Variants in GPC6 observed in about 807,000 individuals in gnomAD.
The protein encoded by GPC6 is glypican-6.
In GPC6, 14 loss-of-function variants were observed where a neutral mutation model predicts 55.2. That is an observed-to-expected ratio of 0.25 (90% CI 0.17 to 0.40). GPC6 has a LOEUF of 0.40. GPC6 is among the 10% of genes least tolerant of loss of function. GPC6 has a pLI of 1.00. For synonymous variants in GPC6, 278 were observed against 259.6 expected (o/e 1.07, Z -0.68); for missense variants, 641 against 708.5 (o/e 0.90, Z 1.08).
chr13:94,136,574 G>A (rs1257357170), intron 4 of GPC6, among the ~76,000 whole-genome samples: 1 of 152,120 alleles, frequency 6.6e-6, no homozygotes, highest in Admixed American at 6.5e-5. Flanking sequence ...GTTGGGTATG[G>A]TGGTGGGTGC....
At chr13:93,972,136 C>A (rs1440962479) in intron 3 of GPC6, among the ~76,000 whole-genome samples, 1 of 152,138 alleles carries the variant, frequency 6.6e-6, no homozygotes, top group East Asian at 1.9e-4. Context: ...ATAGGTTAAG[C>A]AAATGAAGCC....
intron 1 of GPC6, among the ~76,000 whole-genome samples, chr13:93,298,870 T>C (rs1878583994): frequency 6.6e-6 from 1 of 151,660 alleles, no homozygotes; most frequent in Non-Finnish European, 1.5e-5. Context: ...ATCCCTTCCG[T>C]TGGTACCACA....
chr13:93,619,416 C>A (rs1878859803), intron 2 of GPC6, among the ~76,000 whole-genome samples: 1 of 152,130 alleles, frequency 6.6e-6, no homozygotes, highest in African/African-American at 2.4e-5. Context: ...AATTTCAGAA[C>A]TAAGGAAGTG....
chr13:93,970,505 C>G (rs750919700), intron 3 of GPC6, among the ~76,000 whole-genome samples: 5 of 152,210 alleles, frequency 3.3e-5, no homozygotes, highest in Non-Finnish European at 7.3e-5. Context: ...TACACTTATA[C>G]CTCTGTCCTA....
At position 93,479,614 on chromosome 13, in the gene GPC6, C is replaced by CCCG. The variant is rs988412597; in HGVS notation, c.161-65647_161-65646insGCC. Among the ~76,000 whole-genome samples the CCCG allele has an allele frequency of 2.8e-5, 4 of 142,296 alleles. No individual in the cohort carries two copies. In the East Asian group the frequency reaches 9.3e-4, roughly 33 times the overall value. 93.4% of individuals were successfully genotyped at this position (142,296 alleles called of 152,430 possible). A position where few individuals can be genotyped will look rare whatever the true frequency, so the allele number is the denominator to read the frequency against. ...GCCCAGCCAACGTGGTGAGACCCCC[C>CCCG]CCCATCTCTACTAAAAATAAAAAAA... On this transcript the variant is annotated intron_variant, in intron 1 of 8. Coordinates refer to ENST00000377047, the MANE Select transcript of GPC6 (RefSeq NM_005708.5).
rs572742129 is a variant in GPC6, at chr13:93,411,412, A to C, written c.161-133851A>C. ...TACTTTGTGTCAGTCTGATTATCTT[A>C]GTGGCTACAGACGTGGAGCAGAGAG... is the stretch of plus-strand genomic sequence containing the variant. On this transcript the variant is annotated intron_variant, in intron 1 of 8. Coordinates refer to ENST00000377047, the MANE Select transcript of GPC6 (RefSeq NM_005708.5). 6.6e-5 allele frequency among the ~76,000 whole-genome samples: 10 copies of C among 152,300 alleles called. No individual in the cohort carries two copies. In the East Asian group the frequency reaches 1.7e-3, roughly 26 times the overall value.
intron 1 of GPC6, among the ~76,000 whole-genome samples, chr13:93,543,419 G>A (rs531773096): frequency 7.2e-5 from 11 of 151,780 alleles, no homozygotes; most frequent in African/African-American, 1.2e-4. Context: ...TGCTGGATTC[G>A]GTTTGCCAGT....
At chr13:93,704,751 C>T (rs1319466020) in intron 2 of GPC6, among the ~76,000 whole-genome samples, 2 of 151,974 alleles carry the variant, frequency 1.3e-5, no homozygotes, top group Non-Finnish European at 2.9e-5. Context: ...TGCAATGAGC[C>T]GACTTGCAGA....
intron 4 of GPC6, among the ~76,000 whole-genome samples, chr13:94,061,619 G>A (rs549302756): frequency 2.6e-5 from 4 of 151,882 alleles, no homozygotes; most frequent in South Asian, 2.1e-4. Flanking sequence ...ATTCCTCACC[G>A]AGAAGGAGCA....
chr13:93,710,790 C>T (rs1049550223), intron 2 of GPC6, among the ~76,000 whole-genome samples: 1 of 150,820 alleles, frequency 6.6e-6, no homozygotes, highest in African/African-American at 2.4e-5. Context: ...AAGTAATAGC[C>T]TCTAATGTTG....
chr13:93,465,919 C>T (rs1026955932), intron 1 of GPC6, among the ~76,000 whole-genome samples: 1 of 152,050 alleles, frequency 6.6e-6, no homozygotes, highest in Non-Finnish European at 1.5e-5. Flanking sequence ...ATCAATTTGC[C>T]TAATAATATC....
At chr13:93,220,039 T>C in the GPC6 span, among the ~76,000 whole-genome samples, 3 of 152,218 alleles carry the variant, frequency 2.0e-5, no homozygotes, top group African/African-American at 7.2e-5. Context: ...TTTATGGGTT[T>C]TCCCGTAAAA....
At chr13:94,088,268 C>T (rs950821567) in intron 4 of GPC6, among the ~76,000 whole-genome samples, 8 of 152,196 alleles carry the variant, frequency 5.3e-5, no homozygotes, top group Admixed American at 3.3e-4. Context: ...GAGCCTGATA[C>T]ATGGTAAATG....
At chr13:94,277,317 G>A (rs9524397) in intron 4 of GPC6, among the ~76,000 whole-genome samples, 34,417 of 151,220 alleles carry the variant, frequency 0.23, 5,173 homozygotes, top group Non-Finnish European at 0.33. Context: ...TTCCTTGTAG[G>A]TTTTAGATAT....
intron 3 of GPC6, among the ~76,000 whole-genome samples, chr13:93,987,884 T>C (rs1881104768): frequency 6.6e-6 from 1 of 152,194 alleles, no homozygotes; most frequent in Non-Finnish European, 1.5e-5. Context: ...TGTTTAATAA[T>C]GAATAAAATG....
chr13:94,067,431 C>T (rs775442253), intron 4 of GPC6, among the ~76,000 whole-genome samples: 18 of 151,846 alleles, frequency 1.2e-4, no homozygotes, highest in Non-Finnish European at 2.2e-4. Flanking sequence ...TATTCTGCTA[C>T]AAAAATTAAG....
intron 2 of GPC6, among the ~76,000 whole-genome samples, chr13:93,626,298 C>T (rs113409507): frequency 2.6e-5 from 4 of 152,130 alleles, no homozygotes; most frequent in African/African-American, 4.8e-5. Context: ...CACAGCAGAA[C>T]GTTAAACCAA....
intron 4 of GPC6, among the ~76,000 whole-genome samples, chr13:94,049,603 C>T (rs910518532): frequency 6.6e-5 from 10 of 152,088 alleles, no homozygotes; most frequent in African/African-American, 2.4e-4. Flanking sequence ...ACTGCTCTTG[C>T]CGCAGAAATA....
chr13:94,288,792 AAT>A (rs370248349), intron 5 of GPC6, among the ~76,000 whole-genome samples: 2 of 101,270 alleles, frequency 2.0e-5, no homozygotes, highest in South Asian at 5.4e-4. Context: ...ATATATAATA[AAT>A]ATATATATTT....
Sources: gnomAD v4.1 joint callset for allele counts (sites outside exome capture counted in the v4.1 genomes callset) on GRCh38, gnomAD v4.1.1 for gene constraint, MANE v1.5 for transcripts, NCBI Gene and HGNC (gene_info 2026-07-23, HGNC 2026-07-21) for gene names.